The following CD99L2 variants were observed in gnomAD, a reference collection of about 807,000 sequenced individuals.
CD99L2 encodes the protein CD99 antigen-like protein 2.
Under a neutral mutation model 27.3 loss-of-function variants are expected in CD99L2, and 24 were observed. The ratio of observed to expected loss-of-function variants is 0.88; its 90% CI spans 0.64 to 1.24. The LOEUF is 1.24. Among genes scored for constraint, CD99L2 ranks in the 50% most tolerant of loss-of-function variants. CD99L2 has a pLI of 0.00. For synonymous variants in CD99L2, 97 were observed against 87.9 expected (o/e 1.10, Z -0.58); for missense variants, 255 against 221.6 (o/e 1.15, Z -0.96).
At chrX:150,842,361 C>T (rs2046634916) in intron 1 of CD99L2, among the ~76,000 whole-genome samples, 1 of 111,450 alleles carries the variant, frequency 9.0e-6, no homozygotes, top group South Asian at 3.8e-4. Context: ...CAATTTGACC[C>T]AACAGGACTG....
At chrX:150,878,032 C>T (rs2047260773) in intron 1 of CD99L2, among the ~76,000 whole-genome samples, 1 of 105,610 alleles carries the variant, frequency 9.5e-6, no homozygotes, top group Non-Finnish European at 1.9e-5. Flanking sequence ...CACCAACAAT[C>T]CTCACTTAGA....
At chrX:150,817,690 A>C (rs1302432186) in intron 2 of CD99L2, among the ~76,000 whole-genome samples, 1 of 111,802 alleles carries the variant, frequency 8.9e-6, no homozygotes, top group African/African-American at 3.2e-5. Flanking sequence ...AAACAGCAAA[A>C]ATAGAAATAA....
At chrX:150,821,181 T>A (rs1227598635) in intron 2 of CD99L2, among the ~76,000 whole-genome samples, 1 of 111,627 alleles carries the variant, frequency 9.0e-6, no homozygotes, top group African/African-American at 3.3e-5. Flanking sequence ...AATATCCACA[T>A]GGAATTGCAT....
At chrX:150,776,329 G>A in intron 8 of CD99L2, 36 bp from the exon 9 acceptor site, 1 of 1,166,765 alleles carries the variant, frequency 8.6e-7, no homozygotes, top group Non-Finnish European at 1.1e-6. Flanking sequence ...GGACAGGTGA[G>A]GTCAGAGACA....
At chrX:150,817,766 T>C (rs1189193958) in intron 2 of CD99L2, among the ~76,000 whole-genome samples, 18 of 111,271 alleles carry the variant, frequency 1.6e-4, no homozygotes, top group African/African-American at 4.9e-4. Flanking sequence ...GGGAGGAGAA[T>C]TGCTTAAGCC....
At chrX:150,863,075 TGACA>T (rs1557421948) in intron 1 of CD99L2, among the ~76,000 whole-genome samples, 1 of 112,183 alleles carries the variant, frequency 8.9e-6, no homozygotes, top group Admixed American at 9.5e-5. Flanking sequence ...TTGGGCAATA[TGACA>T]GACAAAGGCC....
Position 150,824,326 on chromosome X carries a change from GAGA to G in CD99L2, c.130+6902_130+6904del, listed in dbSNP as rs1222953852. Among the ~76,000 whole-genome samples, 28 of 80,523 alleles carry G rather than the reference GAGA, an allele frequency of 3.5e-4. 1 individual carries two copies. The highest frequency in any genetic ancestry group is 1.2e-3 in the Admixed American group (9 of 7,386). The allele number at this position is 80,523 out of a possible 115,157, so 69.9% of individuals were successfully genotyped here. On this transcript the variant is annotated intron_variant, in intron 2 of 10. Transcript: ENST00000370377. The stretch of plus-strand genomic sequence containing the variant: ...AGAAGAGGAGGAGGAGGAGGAGGAG[GAGA>G]AGAAGAAGAAGAAAGAAGGAAGAAG...
chrX:150,771,819 G>T, intron 9 of CD99L2: 1 of 1,155,564 alleles, frequency 8.7e-7, no homozygotes, highest in Non-Finnish European at 1.1e-6. Context: ...ACCTGCTGCT[G>T]CATCTGAAGG....
At chrX:150,881,815 AT>A (rs59133869) in intron 1 of CD99L2, among the ~76,000 whole-genome samples, 1,474 of 89,334 alleles carry the variant, frequency 0.016, 6 homozygotes, top group East Asian at 0.036. Flanking sequence ...ACTCTTTCCA[AT>A]TTTTTTTTTT....
chrX:150,777,175 T>C, intron 8 of CD99L2: 1 of 401,437 alleles, frequency 2.5e-6, no homozygotes, highest in Admixed American at 4.5e-5. Context: ...AAAGATCAGC[T>C]ATCAGTTTGT....
At chrX:150,898,057 C>G (rs1017725089) in intron 1 of CD99L2, among the ~76,000 whole-genome samples, 23 of 10,731 alleles carry the variant, frequency 2.1e-3, no homozygotes, top group Non-Finnish European at 6.9e-3. Context: ...CTCGCTGACC[C>G]CCCCCCCCCC....
At chrX:150,815,615 C>T (rs114382812) in intron 3 of CD99L2, among the ~76,000 whole-genome samples, 3,009 of 111,818 alleles carry the variant, frequency 0.027, 121 homozygotes, top group African/African-American at 0.094. Flanking sequence ...GAACCAAGTC[C>T]CAAAATCCTT....
At chrX:150,826,903 A>G (rs1557420939) in intron 2 of CD99L2, among the ~76,000 whole-genome samples, 2 of 111,447 alleles carry the variant, frequency 1.8e-5, no homozygotes, top group Non-Finnish European at 3.8e-5. Flanking sequence ...CTCTCCTCAG[A>G]GATGCCTTCA....
chrX:150,829,650 C>A, intron 2 of CD99L2: 1 of 233,270 alleles, frequency 4.3e-6, no homozygotes, highest in Non-Finnish European at 8.0e-6. Context: ...TTTCAATACA[C>A]ATTAAATGAA....
intron 9 of CD99L2, among the ~76,000 whole-genome samples, chrX:150,773,601 T>C (rs1298717624): frequency 8.9e-6 from 1 of 112,426 alleles, no homozygotes; most frequent in Non-Finnish European, 1.9e-5. Context: ...TCTGCGTGTG[T>C]CCTCATCCCT....
chrX:150,867,607 T>C (rs2047082090), intron 1 of CD99L2, among the ~76,000 whole-genome samples: 1 of 108,684 alleles, frequency 9.2e-6, no homozygotes, highest in Non-Finnish European at 1.9e-5. Context: ...CTAATAAAAC[T>C]ACATGGCTGG....
chrX:150,878,402 T>C (rs1263531871), intron 1 of CD99L2, among the ~76,000 whole-genome samples: 1 of 107,085 alleles, frequency 9.3e-6, no homozygotes, highest in Non-Finnish European at 1.9e-5. Context: ...CAGGAATATA[T>C]ACTACAGAGC....
intron 1 of CD99L2, among the ~76,000 whole-genome samples, chrX:150,881,390 G>T (rs1262193180): frequency 9.0e-6 from 1 of 111,691 alleles, no homozygotes; most frequent in South Asian, 3.7e-4. Flanking sequence ...TCCCAGCTAG[G>T]TCATCGCAGA....
intron 4 of CD99L2, among the ~76,000 whole-genome samples, chrX:150,806,982 T>C (rs1444169366): frequency 9.0e-6 from 1 of 111,634 alleles, no homozygotes; most frequent in Non-Finnish European, 1.9e-5. Flanking sequence ...TTCCTTCCTA[T>C]GGCCAATGGT....
Sources: gnomAD v4.1 joint callset for allele counts (sites outside exome capture counted in the v4.1 genomes callset) on GRCh38, gnomAD v4.1.1 for gene constraint, MANE v1.5 for transcripts, NCBI Gene and HGNC (gene_info 2026-07-23, HGNC 2026-07-21) for gene names.